The following PARG variants were observed in gnomAD, a reference collection of about 807,000 sequenced individuals.
PARG encodes poly(ADP-ribose) glycohydrolase.
PARG carries 35 observed loss-of-function variants against 113.0 expected under a neutral mutation model. That is an observed-to-expected ratio of 0.31 (90% CI 0.24 to 0.41). PARG has a LOEUF of 0.41. Among genes scored for constraint, PARG ranks in the 10% least tolerant of loss-of-function variants. The pLI is 1.00. For missense variants in PARG, 797 were observed against 1,169.4 expected (o/e 0.68, Z 4.64); for synonymous variants, 330 against 409.9 (o/e 0.81, Z 2.36).
intron 7 of PARG, 94 bp from the exon 8 acceptor site, chr10:49,885,389 G>T: frequency 1.3e-6 from 1 of 745,940 alleles, no homozygotes; most frequent in Non-Finnish European, 2.3e-6. Flanking sequence ...TTACATATCT[G>T]CTTTTCATGG....
intron 16 of PARG, among the ~76,000 whole-genome samples, chr10:49,826,030 A>G (rs1238914100): frequency 6.6e-6 from 1 of 152,212 alleles, no homozygotes; most frequent in Admixed American, 6.5e-5. Flanking sequence ...TGCTCCAAAG[A>G]GCATTACCTT....
intron 6 of PARG, among the ~76,000 whole-genome samples, chr10:49,919,988 G>C (rs2132874437): frequency 6.6e-6 from 1 of 152,008 alleles, no homozygotes; most frequent in South Asian, 2.1e-4. Flanking sequence ...ACTATTTTGG[G>C]GTTTGGATCA....
At chr10:49,890,246 G>A (rs1356311779) in intron 7 of PARG, among the ~76,000 whole-genome samples, 2 of 152,102 alleles carry the variant, frequency 1.3e-5, no homozygotes, top group African/African-American at 4.8e-5. Context: ...CACAGCAAGT[G>A]TTTTGATCTG....
At chr10:49,903,980 G>A (rs1233966002) in intron 7 of PARG, among the ~76,000 whole-genome samples, 1 of 152,152 alleles carries the variant, frequency 6.6e-6, no homozygotes, top group Admixed American at 6.5e-5. Context: ...GGTCGACTAG[G>A]TGACTCTTAC....
In PARG at chr10:49,932,167, C is replaced by G. The variant is rs1838521077; in HGVS notation, c.1388G>C (p.Arg463Thr). The part of the protein sequence containing the change: ...WLGTPIEEMR[R>T]MPRCGIRLPL... ...CAGCCGGATCCCACACCGAGGCATT[C>G]TTCTCATCTCCTCAATGGGAGTTCC... is the stretch of plus-strand genomic sequence containing the variant. The change falls in exon 4 of 18, where the codon AGA becomes ACA. Residue 463 changes from arginine to threonine, a missense_variant. Arg to Thr is a moderately conservative substitution (Grantham distance 71). Coordinates refer to ENST00000616448, the MANE Select transcript of PARG (RefSeq NM_003631.5). 1 of 1,606,546 alleles carries G rather than the reference C, an allele frequency of 6.2e-7. No individual in the cohort carries two copies. The highest frequency in any genetic ancestry group is 1.3e-5 in the African/African-American group (1 of 74,780).
intron 13 of PARG, among the ~76,000 whole-genome samples, chr10:49,849,642 A>C (rs1845668002): frequency 6.6e-6 from 1 of 152,218 alleles, no homozygotes; most frequent in African/African-American, 2.4e-5. Flanking sequence ...TTTTATGTCA[A>C]TTATACCTCA....
chr10:49,874,493 C>T (rs1465735791), intron 9 of PARG, among the ~76,000 whole-genome samples: 1 of 152,104 alleles, frequency 6.6e-6, no homozygotes, highest in African/African-American at 2.4e-5. Context: ...CCTGCCATCG[C>T]CAAGAAGCCC....
chr10:49,910,861 A>G (rs1837138707), intron 7 of PARG, among the ~76,000 whole-genome samples: 1 of 152,236 alleles, frequency 6.6e-6, no homozygotes, highest in South Asian at 2.1e-4. Flanking sequence ...AGAAGCCAAC[A>G]TTGCAGAAAC....
intron 16 of PARG, among the ~76,000 whole-genome samples, chr10:49,826,898 G>T (rs781821288): frequency 2.0e-5 from 3 of 152,210 alleles, no homozygotes; most frequent in Non-Finnish European, 2.9e-5. Flanking sequence ...GATGGAGACA[G>T]ATGAAAATGA....
intron 16 of PARG, among the ~76,000 whole-genome samples, chr10:49,828,092 CAA>C (rs71026274): frequency 0.04 from 2,004 of 50,112 alleles, 4 homozygotes; most frequent in East Asian, 0.13. Flanking sequence ...AAAGCTTAAA[CAA>C]AAAAAAAAAA....
intron 15 of PARG, among the ~76,000 whole-genome samples, chr10:49,836,513 A>T (rs2132420133): frequency 6.6e-6 from 1 of 152,142 alleles, no homozygotes; most frequent in South Asian, 2.1e-4. Context: ...AAAATGAAAG[A>T]AGTATGCAGA....
At chr10:49,846,471 A>T (rs1415569678) in intron 13 of PARG, among the ~76,000 whole-genome samples, 4 of 151,952 alleles carry the variant, frequency 2.6e-5, no homozygotes, top group African/African-American at 9.7e-5. Context: ...GTATACTTCA[A>T]TGTGTGTAAA....
intron 4 of PARG, among the ~76,000 whole-genome samples, chr10:49,931,591 G>A (rs1838481579): frequency 1.3e-5 from 2 of 150,104 alleles, no homozygotes; most frequent in African/African-American, 4.9e-5. Context: ...CAGCACTCTC[G>A]ACTCACTGGC....
chr10:49,890,013 T>G (rs1698158610), intron 7 of PARG, among the ~76,000 whole-genome samples: 1 of 152,232 alleles, frequency 6.6e-6, no homozygotes, highest in Non-Finnish European at 1.5e-5. Context: ...AGGGAAAAGT[T>G]ATTTAAGATG....
intron 8 of PARG, among the ~76,000 whole-genome samples, chr10:49,881,231 C>T (rs1320329876): frequency 6.6e-6 from 1 of 152,124 alleles, no homozygotes; most frequent in Non-Finnish European, 1.5e-5. Flanking sequence ...TTATGTCTCC[C>T]TAAAATGTAT....
At position 49,926,901 on chromosome 10, in the gene PARG, G is replaced by A. The variant is rs1223628850; in HGVS notation, c.1456-4232C>T. On this transcript the variant is annotated intron_variant, in intron 4 of 17. Transcript: ENST00000616448. ...AGCTATCTTATTCTACTTGCTTGGT[G>A]CCCTGCAAACAAACACCCCTACTTC... is the stretch of plus-strand genomic sequence containing the variant. Among the ~76,000 whole-genome samples, 3 of 152,206 alleles carry A rather than the reference G, an allele frequency of 2.0e-5. No homozygotes were observed. In the South Asian group the frequency reaches 6.2e-4, roughly 31 times the overall value.
chr10:49,894,905 C>T (rs1247876917), intron 7 of PARG, among the ~76,000 whole-genome samples: 2 of 152,208 alleles, frequency 1.3e-5, no homozygotes. Context: ...CTCTAAGGCT[C>T]TTCCTGGTCT....
intron 12 of PARG, among the ~76,000 whole-genome samples, chr10:49,861,181 TCTC>T (rs1846232392): frequency 6.6e-6 from 1 of 152,026 alleles, no homozygotes; most frequent in Non-Finnish European, 1.5e-5. Flanking sequence ...CAGAAAAACA[TCTC>T]CATCTGGTCA....
chr10:49,878,457 A>G (rs187094380), intron 9 of PARG, among the ~76,000 whole-genome samples: 11 of 150,452 alleles, frequency 7.3e-5, no homozygotes, highest in African/African-American at 2.2e-4. Context: ...GTCTCTACTA[A>G]AAATACAAAA....
Sources: gnomAD v4.1 joint callset for allele counts (sites outside exome capture counted in the v4.1 genomes callset) on GRCh38, gnomAD v4.1.1 for gene constraint, MANE v1.5 for transcripts, NCBI Gene and HGNC (gene_info 2026-07-23, HGNC 2026-07-21) for gene names.